PTGER2: variants seen among roughly 807,000 people sequenced by gnomAD.
The protein encoded by PTGER2 is prostaglandin E receptor 2.
A neutral mutation model predicts 26.2 loss-of-function variants in PTGER2; 22 were observed. The ratio of observed to expected loss-of-function variants is 0.84; its 90% CI spans 0.60 to 1.20. The LOEUF (loss-of-function observed/expected upper bound fraction) is 1.20, where lower values mean the gene tolerates loss of function less well. Ranked by LOEUF, PTGER2 falls within the 50% of genes most tolerant of loss-of-function variation. The pLI, the probability that PTGER2 is intolerant of heterozygous loss-of-function variation, is 0.00. For synonymous variants in PTGER2, 219 were observed against 208.9 expected, an observed-to-expected ratio of 1.05 and a Z score of -0.42; for missense variants, 458 against 475.2, an observed-to-expected ratio of 0.96 and a Z score of 0.34.
chr14:52,314,425 G>A lies in PTGER2; in HGVS notation c.-124G>A. The stretch of plus-strand genomic sequence containing the variant: ...CGTCGGCGCGCTGGGTGCGGGAAGG[G>A]GGCTCTGGATTTCGGTCCCTCCCCT... On this transcript the variant is annotated 5_prime_UTR_variant, in exon 1 of 2. Coordinates refer to ENST00000245457, the MANE Select transcript of PTGER2 (RefSeq NM_000956.4). This position sits in a 1 kb window ranked among gnomAD's most constrained non-coding sequence, Gnocchi z 5.7. The A allele has an allele frequency of 8.6e-7, 1 of 1,159,588 alleles. No homozygotes were observed. The highest frequency in any genetic ancestry group is 1.1e-6 in the Non-Finnish European group (1 of 900,188). 71.8% of individuals were successfully genotyped at this position (1,159,588 alleles called of 1,614,324 possible).
intron 1 of PTGER2, among the ~76,000 whole-genome samples, chr14:52,326,810 C>T (rs1331666501): frequency 6.6e-6 from 1 of 152,114 alleles, no homozygotes; most frequent in Admixed American, 6.5e-5. Context: ...AGAGATAAAG[C>T]GGGGTTAGTA....
chr14:52,322,087 T>A (rs1249156489), intron 1 of PTGER2, among the ~76,000 whole-genome samples: 1 of 152,042 alleles, frequency 6.6e-6, no homozygotes, highest in African/African-American at 2.4e-5. Context: ...TAAGTTGGAG[T>A]CTCTGGGTAT....
chr14:52,325,283 T>G (rs1181186559), intron 1 of PTGER2, among the ~76,000 whole-genome samples: 2 of 152,182 alleles, frequency 1.3e-5, no homozygotes, highest in Non-Finnish European at 2.9e-5. Context: ...TTTTCACTTC[T>G]CATTATTCTG....
chr14:52,315,099 G>T lies in PTGER2; in HGVS notation c.551G>T (p.Gly184Val). The T allele has an allele frequency of 6.2e-7, 1 of 1,611,140 alleles. No homozygotes were observed. The part of the protein sequence containing the change: ...DYGQYVQYCP[G>V]TWCFIRHGRT... The stretch of plus-strand genomic sequence containing the variant: ...GGGCAGTACGTCCAGTACTGCCCCG[G>T]GACCTGGTGCTTCATCCGGCACGGG... The change falls in exon 1 of 2, where the codon GGG (glycine) becomes GTG (valine). Residue 184 changes from glycine to valine, a missense_variant. By Grantham distance (109) the Gly-to-Val change is moderately radical (BLOSUM62 -3). Coordinates refer to ENST00000245457, the MANE Select transcript of PTGER2 (RefSeq NM_000956.4).
At chr14:52,315,440 A>C (rs200754796) in intron 1 of PTGER2, 49 bp downstream of exon 1, 1 of 1,601,088 alleles carries the variant, frequency 6.2e-7, no homozygotes, top group Non-Finnish European at 8.5e-7. Flanking sequence ...CAGCCTTCTC[A>C]TGCTCTCCCC....
intron 1 of PTGER2, among the ~76,000 whole-genome samples, chr14:52,317,086 A>G (rs1347136997): frequency 6.6e-6 from 1 of 152,232 alleles, no homozygotes; most frequent in African/African-American, 2.4e-5. Context: ...GTTCCACCAA[A>G]CAGCTTTGCA....
At chr14:52,327,104 C>G in intron 1 of PTGER2, 117 bp from the exon 2 acceptor site, 1 of 716,776 alleles carries the variant, frequency 1.4e-6, no homozygotes, top group Non-Finnish European at 2.3e-6. Context: ...CGTTCCCCAC[C>G]ACTACCACAG....
At chr14:52,318,079 C>T (rs1594636624) in intron 1 of PTGER2, among the ~76,000 whole-genome samples, 1 of 152,330 alleles carries the variant, frequency 6.6e-6, no homozygotes, top group Admixed American at 6.5e-5. Context: ...TTCTGCTGTT[C>T]AGAATCCTTG....
rs1262978432 is a variant in PTGER2 at position 52,327,344 on chromosome 14, C to T, written c.967C>T (p.Leu323=). The change falls in exon 2 of 2, where the codon CTG becomes TTG. Residue 323 remains leucine (L), a synonymous_variant. Transcript: ENST00000245457. ...WVFAILRPPV[L]RLMRSVLCCR... Reference sequence around the variant, plus strand: ...CTTTGCCATCCTTAGGCCTCCTGTTCTGAGACTAATGCGTTCAGTCCTCTG... The same window carrying T: ...CTTTGCCATCCTTAGGCCTCCTGTTTTGAGACTAATGCGTTCAGTCCTCTG... 6.2e-7 allele frequency: 1 copy of T among 1,613,154 alleles called. No individual in the cohort carries two copies. The highest frequency in any genetic ancestry group is 1.3e-5 in the African/African-American group (1 of 75,028).
chr14:52,324,231 G>A (rs75849791), intron 1 of PTGER2, among the ~76,000 whole-genome samples: 10,732 of 152,218 alleles, frequency 0.071, 488 homozygotes, highest in African/African-American at 0.13. Flanking sequence ...AAAAAGCATC[G>A]GTTTCAGTCA....
intron 1 of PTGER2, among the ~76,000 whole-genome samples, chr14:52,317,434 C>T (rs939747273): frequency 6.6e-6 from 1 of 152,166 alleles, no homozygotes; most frequent in Non-Finnish European, 1.5e-5. Flanking sequence ...AGAATTCCAT[C>T]GTTGCCTTAT....
At chr14:52,315,703 G>A (rs1440905539) in intron 1 of PTGER2, among the ~76,000 whole-genome samples, 1 of 152,148 alleles carries the variant, frequency 6.6e-6, no homozygotes, top group Non-Finnish European at 1.5e-5. Context: ...CTTTCTCGCT[G>A]TTGCCTATCT....
chr14:52,321,335 CAT>C (rs2033893698), intron 1 of PTGER2, among the ~76,000 whole-genome samples: 1 of 152,046 alleles, frequency 6.6e-6, no homozygotes, highest in Admixed American at 6.6e-5. Flanking sequence ...GGCAGGTAAA[CAT>C]ATAACAATCT....
chr14:52,320,255 C>T (rs906876875), intron 1 of PTGER2, among the ~76,000 whole-genome samples: 3 of 152,184 alleles, frequency 2.0e-5, no homozygotes, highest in Non-Finnish European at 2.9e-5. Flanking sequence ...TTTCACTTGA[C>T]GTCTTTTCTC....
intron 1 of PTGER2, among the ~76,000 whole-genome samples, chr14:52,324,048 T>C (rs766071558): frequency 6.6e-6 from 1 of 152,228 alleles, no homozygotes; most frequent in Non-Finnish European, 1.5e-5. Context: ...TGGGCAGTTA[T>C]TGTTTAATGG....
chr14:52,323,601 C>T (rs1450485442), intron 1 of PTGER2, among the ~76,000 whole-genome samples: 1 of 152,134 alleles, frequency 6.6e-6, no homozygotes. Flanking sequence ...CAAATAAAGC[C>T]CTCATTTGCT....
chr14:52,325,168 G>C (rs1374134403), intron 1 of PTGER2, among the ~76,000 whole-genome samples: 1 of 151,708 alleles, frequency 6.6e-6, no homozygotes, highest in Admixed American at 6.6e-5. Flanking sequence ...ACAAAATATT[G>C]GTCACCTCCA....
chr14:52,325,469 G>C (rs1342023458), intron 1 of PTGER2, among the ~76,000 whole-genome samples: 4 of 152,156 alleles, frequency 2.6e-5, no homozygotes. Context: ...TCAGCTGCAG[G>C]CCCTTTCTAC....
chr14:52,325,090 G>A (rs1594639371), intron 1 of PTGER2, among the ~76,000 whole-genome samples: 1 of 152,128 alleles, frequency 6.6e-6, no homozygotes, highest in East Asian at 1.9e-4. Context: ...AGTGAGTGGA[G>A]ATCACGCCAC....
Sources: gnomAD v4.1 joint callset for allele counts (sites outside exome capture counted in the v4.1 genomes callset) on GRCh38, gnomAD v4.1.1 for gene constraint, Gnocchi (gnomAD v3.1) non-coding constraint, MANE v1.5 for transcripts, NCBI Gene and HGNC (gene_info 2026-07-23, HGNC 2026-07-21) for gene names.